Variants in SHISA9 observed in about 807,000 individuals in gnomAD.
The protein encoded by SHISA9 is protein shisa-9.
SHISA9 carries 13 observed loss-of-function variants against 38.0 expected under a neutral mutation model. The observed-to-expected ratio is 0.34, with a 90% CI of 0.22 to 0.54. The LOEUF is 0.54. SHISA9 is among the 20% of genes least tolerant of loss of function. The pLI is 0.91. For synonymous variants in SHISA9, 275 were observed against 242.0 expected (o/e 1.14, Z -1.27); for missense variants, 538 against 575.8 (o/e 0.93, Z 0.67).
At chr16:13,440,976 C>A in the SHISA9 span, among the ~76,000 whole-genome samples, 1 of 151,632 alleles carries the variant, frequency 6.6e-6, no homozygotes, top group African/African-American at 2.4e-5. Flanking sequence ...GAGGGATAAT[C>A]TGGGAGTCGA....
the SHISA9 span, among the ~76,000 whole-genome samples, chr16:13,290,726 G>A: frequency 2.0e-5 from 3 of 152,106 alleles, no homozygotes; most frequent in African/African-American, 4.8e-5. Flanking sequence ...CTCCTACTGT[G>A]ATAAAGAGCT....
chr16:13,416,530 C>G, the SHISA9 span, among the ~76,000 whole-genome samples: 1 of 152,102 alleles, frequency 6.6e-6, no homozygotes, highest in African/African-American at 2.4e-5. Flanking sequence ...AAGTTTATTC[C>G]TGTGGAAACC....
intron 2 of SHISA9, among the ~76,000 whole-genome samples, chr16:12,926,380 C>T (rs1051631328): frequency 1.3e-5 from 2 of 151,992 alleles, no homozygotes; most frequent in African/African-American, 2.4e-5. Context: ...CCATTTCTGT[C>T]CTGGAGGACT....
chr16:13,365,202 A>G, the SHISA9 span, among the ~76,000 whole-genome samples: 13 of 152,206 alleles, frequency 8.5e-5, no homozygotes, highest in African/African-American at 2.9e-4. Context: ...GGGAAGGGCT[A>G]AGAAATGTCC....
At chr16:13,359,316 A>C in the SHISA9 span, among the ~76,000 whole-genome samples, 1 of 152,046 alleles carries the variant, frequency 6.6e-6, no homozygotes, top group Admixed American at 6.5e-5. Flanking sequence ...CCCTGTCTCT[A>C]CTAAAAATAC....
the SHISA9 span, among the ~76,000 whole-genome samples, chr16:13,305,282 G>C: frequency 2.6e-5 from 4 of 152,144 alleles, no homozygotes; most frequent in Non-Finnish European, 5.9e-5. Context: ...TGTGATGTCA[G>C]CTCTCAAAAA....
chr16:13,398,366 T>A, the SHISA9 span, among the ~76,000 whole-genome samples: 2 of 152,166 alleles, frequency 1.3e-5, no homozygotes, highest in Non-Finnish European at 2.9e-5. Context: ...CAATTTTGAC[T>A]GCACAGGGAG....
chr16:13,269,209 C>G, the SHISA9 span, among the ~76,000 whole-genome samples: 1 of 152,162 alleles, frequency 6.6e-6, no homozygotes, highest in East Asian at 1.9e-4. Context: ...TTTTGTGGCA[C>G]CTATGCATCC....
At position 12,983,412 on chromosome 16, in the gene SHISA9, C is replaced by A. The variant is rs543143738; in HGVS notation, c.691+66597C>A. ...TAACTGTCAGAAAATGCAGGGAAAG[C>A]ATTCAGCACTGCATCCAACACATAG... On this transcript the variant is annotated intron_variant, in intron 2 of 4. Transcript: ENST00000558583. Among the ~76,000 whole-genome samples, 10 of 152,310 alleles carry A rather than the reference C, an allele frequency of 6.6e-5. No individual in the cohort carries two copies. In the South Asian group the frequency reaches 2.1e-3, roughly 32 times the overall value.
chr16:13,481,274 C>G, the SHISA9 span, among the ~76,000 whole-genome samples: 3 of 151,914 alleles, frequency 2.0e-5, no homozygotes, highest in Admixed American at 2.0e-4. Context: ...GCATTTTTTC[C>G]CATCACCCAA....
At chr16:13,394,341 T>C in the SHISA9 span, among the ~76,000 whole-genome samples, 2 of 152,206 alleles carry the variant, frequency 1.3e-5, no homozygotes, top group Admixed American at 6.5e-5. Context: ...GTCTTTGCTA[T>C]GCAGAATTAT....
the SHISA9 span, among the ~76,000 whole-genome samples, chr16:13,474,035 A>G: frequency 2.6e-5 from 4 of 152,298 alleles, no homozygotes; most frequent in East Asian, 7.7e-4. Context: ...AAGCCCTAAC[A>G]AGAAGGATGA....
the SHISA9 span, among the ~76,000 whole-genome samples, chr16:13,271,886 A>T: frequency 6.6e-6 from 1 of 152,096 alleles, no homozygotes; most frequent in African/African-American, 2.4e-5. Flanking sequence ...GTTCGAGACC[A>T]GCCTGAACAA....
At chr16:13,406,945 G>C in the SHISA9 span, among the ~76,000 whole-genome samples, 3 of 151,880 alleles carry the variant, frequency 2.0e-5, no homozygotes, top group Non-Finnish European at 4.4e-5. Flanking sequence ...GCGCGTGTCT[G>C]TAATCACAGC....
intron 2 of SHISA9, among the ~76,000 whole-genome samples, chr16:13,045,760 CA>C (rs59105024): frequency 0.62 from 93,801 of 151,542 alleles, 29,705 homozygotes; most frequent in Middle Eastern, 0.73. Context: ...CCCCTGCCCC[CA>C]CTGTGTCCCC....
At chr16:12,928,804 T>C (rs1014058710) in intron 2 of SHISA9, among the ~76,000 whole-genome samples, 2 of 152,238 alleles carry the variant, frequency 1.3e-5, no homozygotes, top group African/African-American at 4.8e-5. Context: ...GCATTATTTT[T>C]AAAAATTTAG....
chr16:13,398,571 G>A, the SHISA9 span, among the ~76,000 whole-genome samples: 1 of 151,064 alleles, frequency 6.6e-6, no homozygotes, highest in East Asian at 1.9e-4. Context: ...CATGATCTTG[G>A]CTCACTGCAA....
chr16:13,035,947 A>C (rs1382052176), intron 2 of SHISA9, among the ~76,000 whole-genome samples: 1 of 152,236 alleles, frequency 6.6e-6, no homozygotes, highest in Non-Finnish European at 1.5e-5. Flanking sequence ...AATTAAAACC[A>C]CAATAAGATA....
At chr16:13,107,203 G>A (rs1032044409) in intron 2 of SHISA9, among the ~76,000 whole-genome samples, 10 of 151,934 alleles carry the variant, frequency 6.6e-5, no homozygotes, top group African/African-American at 2.2e-4. Flanking sequence ...GAGGCCGAGT[G>A]GGTAGATCAC....
Sources: gnomAD v4.1 joint callset for allele counts (sites outside exome capture counted in the v4.1 genomes callset) on GRCh38, gnomAD v4.1.1 for gene constraint, MANE v1.5 for transcripts, NCBI Gene and HGNC (gene_info 2026-07-23, HGNC 2026-07-21) for gene names.